The following TEC variants were observed in gnomAD, a reference collection of about 807,000 sequenced individuals.
The protein encoded by TEC is tec protein tyrosine kinase, also known as tyrosine-protein kinase Tec.
A neutral mutation model predicts 93.0 loss-of-function variants in TEC; 72 were observed. That is an observed-to-expected ratio of 0.77 (90% CI 0.64 to 0.94). TEC has a LOEUF of 0.94. Among genes scored for constraint, TEC ranks in the 40% least tolerant of loss-of-function variants. TEC has a pLI of 0.00. For missense variants in TEC, 630 were observed against 757.9 expected (o/e 0.83, Z 1.98); for synonymous variants, 249 against 247.7 (o/e 1.01, Z -0.05).
At chr4:48,160,567 A>C (rs1720590023) in intron 8 of TEC, among the ~76,000 whole-genome samples, 1 of 151,934 alleles carries the variant, frequency 6.6e-6, no homozygotes. Flanking sequence ...TCTCTACTAA[A>C]AATACAAAAA....
chr4:48,244,487 G>A (rs147973416), intron 1 of TEC, among the ~76,000 whole-genome samples: 15 of 152,204 alleles, frequency 9.9e-5, no homozygotes, highest in African/African-American at 2.6e-4. Context: ...GAACAGCATC[G>A]GAAAGACCTG....
chr4:48,180,130 G>A (rs1022642084), intron 2 of TEC, among the ~76,000 whole-genome samples: 15 of 152,050 alleles, frequency 9.9e-5, no homozygotes, highest in East Asian at 3.9e-4. Flanking sequence ...TATCCTGTAC[G>A]GTTAGGCTGG....
chr4:48,217,491 A>T (rs1241832452), intron 2 of TEC, among the ~76,000 whole-genome samples: 1 of 152,190 alleles, frequency 6.6e-6, no homozygotes, highest in Non-Finnish European at 1.5e-5. Context: ...AATGATAACC[A>T]TGACAATGAA....
intron 10 of TEC, 78 bp from the exon 11 acceptor site, chr4:48,149,768 A>G: frequency 7.0e-7 from 1 of 1,424,306 alleles, no homozygotes; most frequent in Admixed American, 2.2e-5. Context: ...CTACAAGGGC[A>G]ACCACAGTGT....
chr4:48,137,556 C>T, intron 17 of TEC, 57 bp from the exon 18 acceptor site: 1 of 1,411,234 alleles, frequency 7.1e-7, no homozygotes, highest in Non-Finnish European at 1.0e-6. Flanking sequence ...CACAAAACCT[C>T]TCACTGCTCC....
At chr4:48,267,240 C>T (rs1243413408) in intron 1 of TEC, among the ~76,000 whole-genome samples, 1 of 151,908 alleles carries the variant, frequency 6.6e-6, no homozygotes, top group East Asian at 1.9e-4. Context: ...AAAAGCCCAT[C>T]CTTGTTTCTC....
At chr4:48,164,552 T>TACACACAC (rs3062061) in intron 7 of TEC, among the ~76,000 whole-genome samples, 7 of 151,076 alleles carry the variant, frequency 4.6e-5, no homozygotes, top group East Asian at 1.9e-4. Flanking sequence ...GAACTCATAA[T>TACACACAC]ACACACACAC....
chr4:48,149,953 G>A (rs1241112949), intron 10 of TEC, among the ~76,000 whole-genome samples: 4 of 152,160 alleles, frequency 2.6e-5, no homozygotes, highest in Non-Finnish European at 4.4e-5. Context: ...AACAACAGTT[G>A]GAAGTCTTAA....
At chr4:48,168,366 T>A (rs1398608814) in intron 6 of TEC, among the ~76,000 whole-genome samples, 1 of 152,146 alleles carries the variant, frequency 6.6e-6, no homozygotes, top group Non-Finnish European at 1.5e-5. Context: ...GATAACAGGA[T>A]CTCCAATGAT....
chr4:48,258,953 T>C (rs1482102858), intron 1 of TEC, among the ~76,000 whole-genome samples: 2 of 152,246 alleles, frequency 1.3e-5, no homozygotes, highest in African/African-American at 4.8e-5. Context: ...ATTTCATTCA[T>C]TCCACAAAGT....
chr4:48,170,384 TC>T lies in TEC; in HGVS notation c.326-9del. Reference sequence around the variant, plus strand: ...TATTGTTGTTCTTTATTTCTGTAATTCACAGATATAGTAATTAATAGTGAAA... The same window carrying T: ...TATTGTTGTTCTTTATTTCTGTAATTACAGATATAGTAATTAATAGTGAAA... On this transcript the variant is annotated splice_polypyrimidine_tract_variant and intron_variant, in intron 4 of 17. Transcript: ENST00000381501. 1 of 1,345,342 alleles carries T rather than the reference TC, an allele frequency of 7.4e-7. No individual in the cohort carries two copies. The highest frequency in any genetic ancestry group is 1.1e-6 in the Non-Finnish European group (1 of 951,802). The allele number at this position is 1,345,342 out of a possible 1,614,324, so 83.3% of individuals were successfully genotyped here.
intron 2 of TEC, among the ~76,000 whole-genome samples, chr4:48,222,087 G>C (rs1395656262): frequency 6.6e-6 from 1 of 152,182 alleles, no homozygotes; most frequent in African/African-American, 2.4e-5. Context: ...AACTATGTCA[G>C]AAAAGATGAG....
At position 48,170,389 on chromosome 4, in the gene TEC, G is replaced by GAATT. The variant is rs1721051972; in HGVS notation, c.326-14_326-13insAATT. The GAATT allele has an allele frequency of 1.5e-6, 2 of 1,322,104 alleles. No individual in the cohort carries two copies. Among genetic ancestry groups the GAATT allele is most frequent in the African/African-American group, 2.9e-5 (2 of 67,900 alleles). The allele number at this position is 1,322,104 out of a possible 1,614,324, so 81.9% of individuals were successfully genotyped here. A position where few individuals can be genotyped will look rare whatever the true frequency, so the allele number is the denominator to read the frequency against. ...TTGTTCTTTATTTCTGTAATTCACA[G>GAATT]ATATAGTAATTAATAGTGAAATACA... On this transcript the variant is annotated splice_polypyrimidine_tract_variant and intron_variant, in intron 4 of 17. Coordinates refer to ENST00000381501, the MANE Select transcript of TEC (RefSeq NM_003215.3).
intron 1 of TEC, among the ~76,000 whole-genome samples, chr4:48,268,743 T>G (rs2109684842): frequency 6.6e-6 from 1 of 152,284 alleles, no homozygotes; most frequent in African/African-American, 2.4e-5. Flanking sequence ...AAATGAGCAT[T>G]CACTGGAAAA....
intron 2 of TEC, among the ~76,000 whole-genome samples, chr4:48,218,011 TTAAAGG>T (rs1008042018): frequency 6.7e-6 from 1 of 149,844 alleles, no homozygotes; most frequent in African/African-American, 2.5e-5. Context: ...ATTTGGCAAA[TTAAAGG>T]AGTAAGTAAG....
chr4:48,199,713 C>T (rs533982276), intron 2 of TEC, among the ~76,000 whole-genome samples: 46 of 152,068 alleles, frequency 3.0e-4, no homozygotes, highest in African/African-American at 1.1e-3. Context: ...GTGATCCACC[C>T]GCCTCGGCCT....
chr4:48,173,037 T>G (rs933562718), intron 3 of TEC, among the ~76,000 whole-genome samples: 8 of 152,244 alleles, frequency 5.3e-5, no homozygotes, highest in Non-Finnish European at 7.3e-5. Flanking sequence ...GCACTTTATA[T>G]GCACTGCCTC....
rs369157887 is a variant in TEC, at chr4:48,269,019, A to G, written c.-46+733T>C. ...TTAGGAAAGTGTACACTCCCAGGTC[A>G]AGGCCCTAGTTTTTCCAAGAAGTAC... On this transcript the variant is annotated intron_variant, in intron 1 of 17. Coordinates refer to ENST00000381501, the MANE Select transcript of TEC (RefSeq NM_003215.3). 6.8e-4 allele frequency among the ~76,000 whole-genome samples: 104 copies of G among 152,184 alleles called. No individual in the cohort carries two copies. In the East Asian group the frequency reaches 0.014, roughly 20 times the overall value.
At chr4:48,242,620 A>G (rs540862134) in intron 1 of TEC, among the ~76,000 whole-genome samples, 5 of 152,240 alleles carry the variant, frequency 3.3e-5, no homozygotes, top group Non-Finnish European at 7.3e-5. Context: ...TCATAAGTTA[A>G]CAAACAACTT....
Sources: gnomAD v4.1 joint callset for allele counts (sites outside exome capture counted in the v4.1 genomes callset) on GRCh38, gnomAD v4.1.1 for gene constraint, MANE v1.5 for transcripts, NCBI Gene and HGNC (gene_info 2026-07-23, HGNC 2026-07-21) for gene names.